DPF3: variants seen among roughly 807,000 people sequenced by gnomAD.
DPF3 encodes the protein zinc finger protein DPF3.
In DPF3, 18 loss-of-function variants were observed where a neutral mutation model predicts 56.8. The observed-to-expected ratio is 0.32, with a 90% CI of 0.22 to 0.47. The LOEUF (loss-of-function observed/expected upper bound fraction) is 0.47. DPF3 is among the 20% of genes least tolerant of loss of function. The pLI, the probability that DPF3 is intolerant of heterozygous loss-of-function variation, is 1.00. For missense variants in DPF3, 403 were observed against 488.8 expected, an observed-to-expected ratio of 0.82 and a Z score of 1.65; for synonymous variants, 188 against 180.2, an observed-to-expected ratio of 1.04 and a Z score of -0.35.
At position 72,619,895 on chromosome 14, in the gene DPF3, A is replaced by G. The variant is rs1261150497; in HGVS notation, c.1066+8T>C. 3.3e-6 allele frequency: 5 copies of G among 1,528,906 alleles called. No homozygotes were observed. In the South Asian group the frequency reaches 3.6e-5, roughly 11 times the overall value. 94.7% of individuals were successfully genotyped at this position (1,528,906 alleles called of 1,614,324 possible). On this transcript the variant is annotated splice_region_variant and intron_variant, in intron 10 of 10. Transcript: ENST00000556509. Reference sequence around the variant, plus strand: ...TGCTGTTCTTATTGTTGACTTCATCATCATTACCTTCTGGGGGCTCAGCCA... The same window carrying G: ...TGCTGTTCTTATTGTTGACTTCATCGTCATTACCTTCTGGGGGCTCAGCCA...
chr14:72,669,938 T>C, intron 8 of DPF3: 1 of 985,940 alleles, frequency 1.0e-6, no homozygotes, highest in Non-Finnish European at 1.2e-6. Context: ...CAAGACAGGT[T>C]AGCCAAGACA....
At chr14:72,758,266 A>G (rs922769710) in intron 2 of DPF3, among the ~76,000 whole-genome samples, 1 of 152,208 alleles carries the variant, frequency 6.6e-6, no homozygotes, top group African/African-American at 2.4e-5. Context: ...AAGACAATGA[A>G]CATCAGGCAT....
rs377255715 is a variant in DPF3 at position 72,644,604 on chromosome 14, T to G, written c.872-14868A>C. 3.3e-5 allele frequency among the ~76,000 whole-genome samples: 5 copies of G among 152,330 alleles called. No individual in the cohort carries two copies. The South Asian group carries it at 6.2e-4, about 19-fold the overall frequency. On this transcript the variant is annotated intron_variant, in intron 8 of 10. Coordinates refer to ENST00000556509, the MANE Select transcript of DPF3 (RefSeq NM_001280542.3). ...TTAATAGAAATGATGCCCTAAGACATATAGTCTATTTGGCCTATTCAATAC... is the reference window on the plus strand; with the variant it reads ...TTAATAGAAATGATGCCCTAAGACAGATAGTCTATTTGGCCTATTCAATAC...
At chr14:72,750,668 T>A (rs1313331192) in intron 3 of DPF3, among the ~76,000 whole-genome samples, 1 of 151,898 alleles carries the variant, frequency 6.6e-6, no homozygotes. Context: ...GTGGACAATA[T>A]CTAAGGCACA....
At chr14:72,758,370 C>T (rs1234144775) in intron 2 of DPF3, among the ~76,000 whole-genome samples, 2 of 152,156 alleles carry the variant, frequency 1.3e-5, no homozygotes, top group Non-Finnish European at 2.9e-5. Context: ...CAGACTGGAA[C>T]ACAAGGAGGA....
At chr14:72,689,810 G>A (rs1440123025) in intron 7 of DPF3, among the ~76,000 whole-genome samples, 3 of 152,112 alleles carry the variant, frequency 2.0e-5, no homozygotes, top group Middle Eastern at 3.2e-3. Flanking sequence ...GAAATTGGGG[G>A]TGGGGGAAAG....
intron 1 of DPF3, among the ~76,000 whole-genome samples, chr14:72,817,215 C>T (rs1267616414): frequency 2.0e-5 from 3 of 152,212 alleles, no homozygotes; most frequent in Non-Finnish European, 4.4e-5. Context: ...GGCCCTGTTT[C>T]CCAAAACTCA....
Position 72,860,536 on chromosome 14 carries a change from G to A in DPF3, c.32+33521C>T, listed in dbSNP as rs1422615137. ...TATAAGGCTTGTTATACAAAATAGTGGTCCACTGCAGCTTAATTCTTTTTC... is the reference window on the plus strand; with the variant it reads ...TATAAGGCTTGTTATACAAAATAGTAGTCCACTGCAGCTTAATTCTTTTTC... On this transcript the variant is annotated intron_variant, in intron 1 of 10. Transcript: ENST00000556509. Among the ~76,000 whole-genome samples, 3 of 149,684 alleles carry A rather than the reference G, an allele frequency of 2.0e-5. No individual in the cohort carries two copies. The East Asian group carries it at 6.0e-4, about 30-fold the overall frequency.
chr14:72,750,252 T>G (rs1890510435), intron 3 of DPF3, among the ~76,000 whole-genome samples: 1 of 152,176 alleles, frequency 6.6e-6, no homozygotes, highest in Non-Finnish European at 1.5e-5. Flanking sequence ...CCACAAAAAT[T>G]GCTGTATGAC....
At chr14:72,734,316 G>A (rs2139862108) in intron 3 of DPF3, among the ~76,000 whole-genome samples, 1 of 152,340 alleles carries the variant, frequency 6.6e-6, no homozygotes, top group East Asian at 1.9e-4. Flanking sequence ...CCTGTATGAT[G>A]AAGTTACATT....
At chr14:72,806,583 C>T (rs1391230468) in intron 1 of DPF3, among the ~76,000 whole-genome samples, 4 of 152,206 alleles carry the variant, frequency 2.6e-5, no homozygotes, top group Non-Finnish European at 5.9e-5. Flanking sequence ...CACTTTATAT[C>T]GTAATCCTTT....
At chr14:72,864,593 T>C (rs1401385107) in intron 1 of DPF3, among the ~76,000 whole-genome samples, 2 of 152,262 alleles carry the variant, frequency 1.3e-5, no homozygotes, top group Non-Finnish European at 2.9e-5. Flanking sequence ...AAAATGGATA[T>C]GAAAGCAAAG....
chr14:72,620,224 C>T (rs8012752), intron 9 of DPF3, among the ~76,000 whole-genome samples: 8,891 of 152,166 alleles, frequency 0.058, 900 homozygotes, highest in African/African-American at 0.2. Context: ...CTGCTCAACT[C>T]GTACCTCCTC....
intron 1 of DPF3, among the ~76,000 whole-genome samples, chr14:72,891,313 C>T (rs1179093642): frequency 2.8e-5 from 4 of 144,106 alleles, no homozygotes; most frequent in Non-Finnish European, 1.5e-5. Context: ...GTGGTGTTGG[C>T]TTTTTTTTTT....
chr14:72,671,740 A>G (rs1886685985), intron 8 of DPF3, among the ~76,000 whole-genome samples: 1 of 152,176 alleles, frequency 6.6e-6, no homozygotes, highest in South Asian at 2.1e-4. Flanking sequence ...GTTTCTTTGA[A>G]CAATGTTTGT....
At chr14:72,656,901 A>G (rs946518002) in intron 8 of DPF3, among the ~76,000 whole-genome samples, 3 of 152,086 alleles carry the variant, frequency 2.0e-5, no homozygotes, top group African/African-American at 7.2e-5. Flanking sequence ...GACTACTACC[A>G]CCTATCATGA....
chr14:72,809,758 C>T (rs1882955100), intron 1 of DPF3, among the ~76,000 whole-genome samples: 1 of 152,186 alleles, frequency 6.6e-6, no homozygotes, highest in South Asian at 2.1e-4. Context: ...AAGAACCCAA[C>T]TTTTCACTTA....
chr14:72,622,598 A>G (rs929999871), intron 9 of DPF3, among the ~76,000 whole-genome samples: 4 of 152,164 alleles, frequency 2.6e-5, no homozygotes, highest in African/African-American at 9.7e-5. Context: ...AAAACTAGGC[A>G]TCTGAGAGTT....
chr14:72,706,018 A>C (rs1888389363), intron 6 of DPF3, among the ~76,000 whole-genome samples: 1 of 152,176 alleles, frequency 6.6e-6, no homozygotes, highest in African/African-American at 2.4e-5. Flanking sequence ...TGACCTCAGG[A>C]AAGTTAATTA....
Sources: gnomAD v4.1 joint callset for allele counts (sites outside exome capture counted in the v4.1 genomes callset) on GRCh38, gnomAD v4.1.1 for gene constraint, MANE v1.5 for transcripts, NCBI Gene and HGNC (gene_info 2026-07-23, HGNC 2026-07-21) for gene names.